The following CCNP variants were observed in gnomAD, a reference collection of about 807,000 sequenced individuals.
The protein encoded by CCNP is cyclin-P.
Under a neutral mutation model 19.6 loss-of-function variants are expected in CCNP, and 18 were observed. The observed-to-expected ratio is 0.92, with a 90% CI of 0.64 to 1.36. CCNP has a LOEUF of 1.36. Ranked by LOEUF, CCNP falls within the 40% of genes most tolerant of loss-of-function variation. The probability of loss-of-function intolerance (pLI) is 0.00; values close to 1 mark genes in which losing one functional copy is unlikely to be tolerated. For synonymous variants in CCNP, 228 were observed against 194.9 expected (o/e 1.17, Z -1.41); for missense variants, 440 against 424.4 (o/e 1.04, Z -0.32).
In CCNP at chr19:40,225,949, A is replaced by T. The variant is rs141593549; in HGVS notation, c.267+426T>A. ...GTCTTCCTTCCGCAGCAACCCTCTCATAGGGATATCTGAAGGCTGGCGAGG... is the reference window on the plus strand; with the variant it reads ...GTCTTCCTTCCGCAGCAACCCTCTCTTAGGGATATCTGAAGGCTGGCGAGG... On this transcript the variant is annotated intron_variant, in intron 1 of 4. Coordinates refer to ENST00000430325, the MANE Select transcript of CCNP (RefSeq NM_024877.4). Among the ~76,000 whole-genome samples, 31 of 152,324 alleles carry T rather than the reference A, an allele frequency of 2.0e-4. No individual in the cohort carries two copies. The East Asian group carries it at 5.2e-3, about 26-fold the overall frequency.
chr19:40,225,120 C>T (rs1475632718), intron 1 of CCNP, among the ~76,000 whole-genome samples: 3 of 150,830 alleles, frequency 2.0e-5, no homozygotes, highest in East Asian at 2.0e-4. Flanking sequence ...AGTGCAATGG[C>T]GCAATCTTGG....
At position 40,223,394 on chromosome 19, in the gene CCNP, GCTGCTCC is replaced by G. The variant is rs746456585; in HGVS notation, c.659_665del (p.Gly220AlafsTer4). On this transcript the variant is annotated frameshift_variant, in exon 4 of 5. Coordinates refer to ENST00000430325, the MANE Select transcript of CCNP (RefSeq NM_024877.4). LOFTEE classifies it low-confidence loss of function (END_TRUNC). Reference sequence around the variant, plus strand: ...CGTATTCACAAGGGCTCACCTGGGGGCTGCTCCCTGCCAGCGCGGCCAGCAGCCCGAG... The same window carrying G: ...CGTATTCACAAGGGCTCACCTGGGGGCTGCCAGCGCGGCCAGCAGCCCGAG... 6.4e-7 allele frequency: 1 copy of G among 1,552,492 alleles called. No individual in the cohort carries two copies. The highest frequency in any genetic ancestry group is 8.7e-7 in the Non-Finnish European group (1 of 1,150,398).
chr19:40,226,565 G>A lies in CCNP; in HGVS notation c.77C>T (p.Ser26Phe), dbSNP rs1973543729. The A allele has an allele frequency of 2.5e-6, 4 of 1,578,118 alleles. No homozygotes were observed. The highest frequency in any genetic ancestry group is 3.4e-6 in the Non-Finnish European group (4 of 1,164,638). Reference protein sequence around the residue: ...PIVRRWAPRPSPLQSLAASLD... With the variant: ...PIVRRWAPRPFPLQSLAASLD... ...GGAGGCAGCGAGACTCTGCAAAGGAGAGGGCCTGGGGGCCCAGCGCCTAAC... is the reference window on the plus strand; with the variant it reads ...GGAGGCAGCGAGACTCTGCAAAGGAAAGGGCCTGGGGGCCCAGCGCCTAAC... The change falls in exon 1 of 5, where the codon TCT becomes TTT. Residue 26 changes from serine (S) to phenylalanine (F), a missense_variant. Transcript: ENST00000430325.
Position 40,224,194 on chromosome 19 carries a change from A to G in CCNP, c.513+294T>C, listed in dbSNP as rs530486959. Among the ~76,000 whole-genome samples, 5 of 152,220 alleles carry G rather than the reference A, an allele frequency of 3.3e-5. No individual in the cohort carries two copies. The South Asian group carries it at 1.0e-3, about 32-fold the overall frequency. ...GGTCTCAAACTCCTGATCTCAAGTGATCTGCCGGTTTCAGCCTTCCAAGGT... is the reference window on the plus strand; with the variant it reads ...GGTCTCAAACTCCTGATCTCAAGTGGTCTGCCGGTTTCAGCCTTCCAAGGT... On this transcript the variant is annotated intron_variant, in intron 3 of 4. Coordinates refer to ENST00000430325, the MANE Select transcript of CCNP (RefSeq NM_024877.4).
rs1043257289 is a variant in CCNP, at chr19:40,223,117, G to A, written c.859C>T (p.Arg287Cys). ...SLGGGSVWGH[R>C]SFRDLPSWSF... ...CAGGAAGGTAAGTCCCTGAAGCTGC[G>A]GTGACCCCATACACTTCCTCCGCCA... Residue 287 changes from arginine (R) to cysteine (C), a missense_variant, in exon 5 of 5, where the codon CGC becomes TGC. Physicochemically the swap from Arg to Cys is radical, Grantham distance 180. Transcript: ENST00000430325. 3.2e-6 allele frequency: 5 copies of A among 1,551,072 alleles called. No homozygotes were observed. The highest frequency in any genetic ancestry group is 3.5e-6 in the Non-Finnish European group (4 of 1,146,804).
At position 40,226,395 on chromosome 19, in the gene CCNP, C is replaced by A; in HGVS notation, c.247G>T (p.Asp83Tyr). 6.2e-7 allele frequency: 1 copy of A among 1,607,028 alleles called. No homozygotes were observed. The highest frequency in any genetic ancestry group is 1.1e-5 in the South Asian group (1 of 91,066). The part of the protein sequence containing the change: ...GLQGEREYAG[D>Y]IFAEVMVCRV... ...CTCACCATGACTTCGGCGAAGATGT[C>A]CCCGGCGTACTCGCGTTCTCCCTGC... Residue 83 changes from aspartate to tyrosine, a missense_variant, in exon 1 of 5, where the codon GAC (aspartate) becomes TAC (tyrosine). Transcript: ENST00000430325.
In CCNP at chr19:40,226,438, C is replaced by A. The variant is rs184240232; in HGVS notation, c.204G>T (p.Ala68=). The A allele has an allele frequency of 2.1e-4, 343 of 1,608,944 alleles. 6 individuals carry two copies. In the East Asian group the frequency reaches 2.2e-3, roughly 10 times the overall value. Reference sequence around the variant, plus strand: ...CTCCCTGCAGCCCCAGCGCGCTCAGCGCCTCCTCCAGCCCCGGCGGCCTCG... The same window carrying A: ...CTCCCTGCAGCCCCAGCGCGCTCAGAGCCTCCTCCAGCCCCGGCGGCCTCG... ...RLARPPGLEE[A]LSALGLQGER... Residue 68 remains alanine (A), a synonymous_variant, in exon 1 of 5, where the codon GCG becomes GCT. Transcript: ENST00000430325.
chr19:40,226,290 C>A, intron 1 of CCNP, 85 bp downstream of exon 1: 1 of 1,173,544 alleles, frequency 8.5e-7, no homozygotes, highest in Non-Finnish European at 1.2e-6. Context: ...GAGGCTGGAG[C>A]GGTGGGAGTT....
Position 40,224,657 on chromosome 19 carries a change from A to G in CCNP, c.358-14T>C, listed in dbSNP as rs1568501771. On this transcript the variant is annotated splice_polypyrimidine_tract_variant and intron_variant, in intron 2 of 4. Coordinates refer to ENST00000430325, the MANE Select transcript of CCNP (RefSeq NM_024877.4). ...ACCCAGGTACTCCTGAGGAGGGGCA[A>G]GGGTGACCACGGGGTCCTGGGCGGC... The G allele has an allele frequency of 6.2e-7, 1 of 1,614,126 alleles. No individual in the cohort carries two copies.
chr19:40,223,006 T>G lies in CCNP; in HGVS notation c.*46A>C. 1.7e-6 allele frequency: 2 copies of G among 1,161,026 alleles called. No homozygotes were observed. Among genetic ancestry groups the G allele is most frequent in the Non-Finnish European group, 2.5e-6 (2 of 813,934 alleles). 71.9% of individuals were successfully genotyped at this position (1,161,026 alleles called of 1,614,324 possible). Reference sequence around the variant, plus strand: ...GGACTAATGGGGTCCTCCCACCCCATTCTCTCCCACACCCAGAAAAATCAA... The same window carrying G: ...GGACTAATGGGGTCCTCCCACCCCAGTCTCTCCCACACCCAGAAAAATCAA... On this transcript the variant is annotated 3_prime_UTR_variant, in exon 5 of 5. Coordinates refer to ENST00000430325, the MANE Select transcript of CCNP (RefSeq NM_024877.4).
rs1973542333 is a variant in CCNP at position 40,226,511 on chromosome 19, A to T, written c.131T>A (p.Val44Asp). 6.3e-7 allele frequency: 1 copy of T among 1,597,838 alleles called. No individual in the cohort carries two copies. The highest frequency in any genetic ancestry group is 1.1e-5 in the South Asian group (1 of 89,206). Reference sequence around the variant, plus strand: ...GGGGCCCGCGGGGAAGCCGTCGGGGACTGCGGCGCTTGAAGGCTCTGCGTC... The same window carrying T: ...GGGGCCCGCGGGGAAGCCGTCGGGGTCTGCGGCGCTTGAAGGCTCTGCGTC... ...SLDAEPSSAAVPDGFPAGPTV... is the reference protein window; with the variant it reads ...SLDAEPSSAADPDGFPAGPTV... Residue 44 changes from valine (V) to aspartate (D), a missense_variant, in exon 1 of 5, where the codon GTC becomes GAC. Transcript: ENST00000430325.
At chr19:40,226,208 G>A (rs1466520627) in intron 1 of CCNP, among the ~76,000 whole-genome samples, 167 bp downstream of exon 1, 3 of 152,234 alleles carry the variant, frequency 2.0e-5, no homozygotes, top group Admixed American at 2.0e-4. Flanking sequence ...GGTAGAAACG[G>A]CGCTGTGTGA....
At position 40,226,538 on chromosome 19, in the gene CCNP, A is replaced by T; in HGVS notation, c.104T>A (p.Leu35His). Residue 35 changes from leucine to histidine, a missense_variant, in exon 1 of 5, where the codon CTC (leucine) becomes CAC (histidine). By Grantham distance (99) the Leu-to-His change is moderately conservative. Coordinates refer to ENST00000430325, the MANE Select transcript of CCNP (RefSeq NM_024877.4). ...PSPLQSLAAS[L>H]DAEPSSAAVP... ...TGCGGCGCTTGAAGGCTCTGCGTCG[A>T]GGGAGGCAGCGAGACTCTGCAAAGG... 1.9e-6 allele frequency: 3 copies of T among 1,585,694 alleles called. No individual in the cohort carries two copies. The highest frequency in any genetic ancestry group is 2.3e-5 in the South Asian group (2 of 87,680).
In CCNP at chr19:40,222,403, G is replaced by A. The variant is rs1409144571; in HGVS notation, c.*649C>T. ...GCGCATACTTGAGGAAGACTGCGGC[G>A]CGACCCGGCGCGGGACCTCGGAGCG... is the stretch of plus-strand genomic sequence containing the variant. On this transcript the variant is annotated 3_prime_UTR_variant, in exon 5 of 5. Coordinates refer to ENST00000430325, the MANE Select transcript of CCNP (RefSeq NM_024877.4). The A allele has an allele frequency of 5.0e-6, 2 of 398,510 alleles. No individual in the cohort carries two copies. The highest frequency in any genetic ancestry group is 3.6e-5 in the East Asian group (1 of 28,066). 24.7% of individuals were successfully genotyped at this position (398,510 alleles called of 1,614,324 possible).
chr19:40,224,804 C>A lies in CCNP; in HGVS notation c.275G>T (p.Arg92Leu). 4 of 1,552,098 alleles carry A rather than the reference C, an allele frequency of 2.6e-6. No individual in the cohort carries two copies. Among genetic ancestry groups the A allele is most frequent in the Non-Finnish European group, 3.5e-6 (4 of 1,147,236 alleles). The change falls in exon 2 of 5, where the codon CGC becomes CTC. Residue 92 changes from arginine to leucine, a missense_variant. Transcript: ENST00000430325. ...GGGCAGGGCTCTCAGGGGCAGCACG[C>A]GGCACACCTGGGGTTGGGGCAGGGA... ...GDIFAEVMVC[R>L]VLPLRALPRA...
In CCNP at chr19:40,226,642, C is replaced by A; in HGVS notation, c.-1G>T. 2 of 1,571,532 alleles carry A rather than the reference C, an allele frequency of 1.3e-6. No homozygotes were observed. Among genetic ancestry groups the A allele is most frequent in the South Asian group, 1.2e-5 (1 of 85,546 alleles). On this transcript the variant is annotated 5_prime_UTR_variant, in exon 1 of 5. Coordinates refer to ENST00000430325, the MANE Select transcript of CCNP (RefSeq NM_024877.4). ...CCTGGTCCCTGCCTCTCACCAGCAT[C>A]CTCCAGGAGGGTGTTGCGGGCGAGG...
intron 3 of CCNP, 176 bp from the exon 4 acceptor site, chr19:40,223,722 T>A: frequency 1.2e-6 from 1 of 821,364 alleles, no homozygotes; most frequent in Non-Finnish European, 2.0e-6. Context: ...GTTCAAGACC[T>A]AGGTTCGAGT....
chr19:40,222,923 C>T lies in CCNP; in HGVS notation c.*129G>A, dbSNP rs369245004. 1,698 of 605,174 alleles carry T rather than the reference C, an allele frequency of 2.8e-3. 28 individuals carry two copies. Among genetic ancestry groups the T allele is most frequent in the South Asian group, 0.021 (945 of 44,634 alleles). The allele number at this position is 605,174 out of a possible 1,614,324, so 37.5% of individuals were successfully genotyped here. ...CAGCCCTGGAAGGCAATAGGAGCAT[C>T]TTCTGGGCCTGGGAGACTATCTTCC... On this transcript the variant is annotated 3_prime_UTR_variant, in exon 5 of 5. Transcript: ENST00000430325.
chr19:40,224,454 C>G (rs1973507557), intron 3 of CCNP, 34 bp downstream of exon 3: 1 of 1,608,712 alleles, frequency 6.2e-7, no homozygotes. Context: ...CCAAAGGACT[C>G]CATCCACCCT....
Sources: gnomAD v4.1 joint callset for allele counts (sites outside exome capture counted in the v4.1 genomes callset) on GRCh38, gnomAD v4.1.1 for gene constraint, MANE v1.5 for transcripts, NCBI Gene and HGNC (gene_info 2026-07-23, HGNC 2026-07-21) for gene names.